Variants in RUNX1 observed in about 807,000 individuals in gnomAD.
RUNX1 encodes runt-related transcription factor 1.
RUNX1 carries 19 observed loss-of-function variants against 42.8 expected under a neutral mutation model. The ratio of observed to expected loss-of-function variants is 0.44; its 90% CI spans 0.31 to 0.65. The LOEUF is 0.65. RUNX1 is among the 30% of genes least tolerant of loss of function. The pLI is 0.07. For synonymous variants in RUNX1, 271 were observed against 289.4 expected (o/e 0.94, Z 0.64); for missense variants, 528 against 672.0 (o/e 0.79, Z 2.37).
At chr21:34,891,498 GC>G (rs1419504656) in intron 3 of RUNX1, among the ~76,000 whole-genome samples, 1 of 152,114 alleles carries the variant, frequency 6.6e-6, no homozygotes, top group East Asian at 1.9e-4. Flanking sequence ...CCCTTAGTCG[GC>G]CGGGCATTTT....
chr21:35,047,835 T>C (rs2059411568), intron 2 of RUNX1, among the ~76,000 whole-genome samples: 1 of 152,152 alleles, frequency 6.6e-6, no homozygotes, highest in Admixed American at 6.5e-5. Flanking sequence ...CAAGATACAC[T>C]TTGCAGGCAC....
rs114409412 is a variant in RUNX1 at position 34,966,924 on chromosome 21, C to T, written c.59-73961G>A. ...GCCAGATGAGGTGAAGGAAGGAGAG[C>T]GCAGGGGTCCTAAGAGTAAGGGCAT... On this transcript the variant is annotated intron_variant, in intron 2 of 8. Transcript: ENST00000675419. Among the ~76,000 whole-genome samples the T allele has an allele frequency of 8.2e-3, 1,251 of 151,808 alleles. 15 individuals are homozygous for T. Among genetic ancestry groups the T allele is most frequent in the African/African-American group, 0.028 (1,175 of 41,356 alleles).
intron 2 of RUNX1, among the ~76,000 whole-genome samples, chr21:35,000,442 G>A (rs149917256): frequency 1.8e-3 from 278 of 151,980 alleles, no homozygotes; most frequent in African/African-American, 5.8e-3. Context: ...GGGTTTCACC[G>A]TGTTAGCCAG....
chr21:34,876,297 C>T (rs1259841807), intron 5 of RUNX1, among the ~76,000 whole-genome samples: 1 of 152,222 alleles, frequency 6.6e-6, no homozygotes. Flanking sequence ...ATTAGACAAA[C>T]CAGACCCCGG....
Position 34,859,535 on chromosome 21 carries a change from C to A in RUNX1, c.552G>T (p.Pro184=), listed in dbSNP as rs752586117. ...TGGCTCTGTGGTAGGTGGCGACTTG[C>A]GGTGGGTTTGTGAAGACAGTGATGG... ...TLTITVFTNP[P]QVATYHRAIK... is the part of the protein sequence containing the mutation. Residue 184 remains proline (P), a synonymous_variant, in exon 6 of 9, where the codon CCG becomes CCT. Coordinates refer to ENST00000675419, the MANE Select transcript of RUNX1 (RefSeq NM_001754.5). 35 of 1,614,110 alleles carry A rather than the reference C, an allele frequency of 2.2e-5. No individual in the cohort carries two copies. In the East Asian group the frequency reaches 7.6e-4, roughly 35 times the overall value.
At chr21:34,832,412 G>A (rs1183638627) in intron 7 of RUNX1, among the ~76,000 whole-genome samples, 1 of 152,144 alleles carries the variant, frequency 6.6e-6, no homozygotes, top group Non-Finnish European at 1.5e-5. Flanking sequence ...TTTCCCCCAT[G>A]TGGCTGAATT....
intron 2 of RUNX1, among the ~76,000 whole-genome samples, chr21:34,993,666 G>A (rs569568510): frequency 9.7e-5 from 4 of 41,238 alleles, no homozygotes; most frequent in Middle Eastern, 0.02. Context: ...CAGACACACA[G>A]AGACACACAC....
At chr21:34,933,177 T>C (rs1268348831) in intron 2 of RUNX1, among the ~76,000 whole-genome samples, 2 of 152,196 alleles carry the variant, frequency 1.3e-5, no homozygotes, top group African/African-American at 4.8e-5. Context: ...AAATTAGTGG[T>C]TGGGAACATC....
At position 34,997,899 on chromosome 21, in the gene RUNX1, T is replaced by G. The variant is rs187697176; in HGVS notation, c.58+50943A>C. On this transcript the variant is annotated intron_variant, in intron 2 of 8. Transcript: ENST00000675419. ...TTCATTTTGGCCTTTTCTGTGCATT[T>G]GGGGTGCATGTGGAAAGAAGGTTCT... is the stretch of plus-strand genomic sequence containing the variant. Among the ~76,000 whole-genome samples, 36 of 152,248 alleles carry G rather than the reference T, an allele frequency of 2.4e-4. No individual in the cohort carries two copies. The East Asian group carries it at 6.6e-3, about 28-fold the overall frequency.
chr21:35,030,598 A>G (rs2059266244), intron 2 of RUNX1, among the ~76,000 whole-genome samples: 1 of 152,212 alleles, frequency 6.6e-6, no homozygotes, highest in African/African-American at 2.4e-5. Flanking sequence ...ACTTAAACCT[A>G]AAACCTGAAA....
In RUNX1 at chr21:34,999,764, C is replaced by A. The variant is rs143188803; in HGVS notation, c.58+49078G>T. Reference sequence around the variant, plus strand: ...AAGACCTGGCTCCCTCTCTTCTCTCCCGTTAGGCACAAGACGGTGTAAATC... The same window carrying A: ...AAGACCTGGCTCCCTCTCTTCTCTCACGTTAGGCACAAGACGGTGTAAATC... On this transcript the variant is annotated intron_variant, in intron 2 of 8. Transcript: ENST00000675419. Among the ~76,000 whole-genome samples the A allele has an allele frequency of 1.8e-3, 276 of 152,270 alleles. 1 individual carries two copies. Among genetic ancestry groups the A allele is most frequent in the African/African-American group, 6.0e-3 (251 of 41,542 alleles).
At position 34,841,623 on chromosome 21, in the gene RUNX1, C is replaced by T. The variant is rs9979054; in HGVS notation, c.614-7022G>A. Among the ~76,000 whole-genome samples the T allele has an allele frequency of 6.3e-3, 953 of 152,290 alleles. 10 individuals carry two copies. The highest frequency in any genetic ancestry group is 0.015 in the African/African-American group (611 of 41,574). ...ATAGGTTGAGCTCCCCTCTTTGCTC[C>T]GGCAGCAGTGGCCACCTTGCTCTTG... On this transcript the variant is annotated intron_variant, in intron 6 of 8. Transcript: ENST00000675419.
Position 34,834,511 on chromosome 21 carries a change from G to A in RUNX1, c.704C>T (p.Ala235Val), listed in dbSNP as rs1480547134. Residue 235 changes from alanine to valine, a missense_variant, in exon 7 of 9, where the codon GCC (alanine) becomes GTC (valine). By Grantham distance (64) the Ala-to-Val change is moderately conservative. Transcript: ENST00000675419. Reference protein sequence around the residue: ...LSELEQLRRTAMRVSPHHPAP... With the variant: ...LSELEQLRRTVMRVSPHHPAP... ...TGGGTGGTGTGGGCTGACCCTCATG[G>A]CTGTGCGCCGCAGCTGCTCCAGTTC... The A allele has an allele frequency of 6.2e-7, 1 of 1,613,372 alleles. No homozygotes were observed. Among genetic ancestry groups the A allele is most frequent in the South Asian group, 1.1e-5 (1 of 91,064 alleles).
rs59802347 is a variant in RUNX1 at position 34,799,341 on chromosome 21, G to A, written c.927C>T (p.Gly309=). 1.9e-3 allele frequency: 3,064 copies of A among 1,614,208 alleles called. 33 individuals are homozygous for A. In the African/African-American group the frequency reaches 0.036, roughly 19 times the overall value. Residue 309 remains glycine, a synonymous_variant, in exon 8 of 9, where the codon GGC becomes GGT. Coordinates refer to ENST00000675419, the MANE Select transcript of RUNX1 (RefSeq NM_001754.5). ...ATPISPGRAS[G]MTTLSAELSS... ...AAAGTTCTGCAGAGAGGGTTGTCAT[G>A]CCGCTGGCACGTCCAGGTGAAATGG...
At chr21:34,920,128 A>G (rs2058342886) in intron 2 of RUNX1, among the ~76,000 whole-genome samples, 1 of 152,228 alleles carries the variant, frequency 6.6e-6, no homozygotes. Flanking sequence ...CTTCATATTT[A>G]GAAACTTGGC....
chr21:35,028,770 C>G (rs770138056), intron 2 of RUNX1, among the ~76,000 whole-genome samples: 28 of 152,212 alleles, frequency 1.8e-4, no homozygotes, highest in Non-Finnish European at 3.8e-4. Flanking sequence ...AGTAAATTTA[C>G]CGATGGCTTA....
rs559458916 is a variant in RUNX1, at chr21:34,910,798, T to C, written c.59-17835A>G. Among the ~76,000 whole-genome samples, 13 of 152,234 alleles carry C rather than the reference T, an allele frequency of 8.5e-5. 1 individual carries two copies. Among genetic ancestry groups the C allele is most frequent in the South Asian group, 4.2e-4 (2 of 4,818 alleles). On this transcript the variant is annotated intron_variant, in intron 2 of 8. Coordinates refer to ENST00000675419, the MANE Select transcript of RUNX1 (RefSeq NM_001754.5). Reference sequence around the variant, plus strand: ...TATGTTATTGTTGTTCTTTTTTTTTTTGAAACAAGGTCTCACTCTGTTGCC... The same window carrying C: ...TATGTTATTGTTGTTCTTTTTTTTTCTGAAACAAGGTCTCACTCTGTTGCC...
At chr21:34,960,622 CCCAG>C (rs2058675317) in intron 2 of RUNX1, among the ~76,000 whole-genome samples, 1 of 152,206 alleles carries the variant, frequency 6.6e-6, no homozygotes. Context: ...CTGAGACTTG[CCCAG>C]CCTTAAGATG....
chr21:34,969,699 G>A (rs184797076), intron 2 of RUNX1, among the ~76,000 whole-genome samples: 2 of 150,246 alleles, frequency 1.3e-5, no homozygotes, highest in East Asian at 4.0e-4. Context: ...AAAAAAAACA[G>A]CAAAATTCAT....
Sources: gnomAD v4.1 joint callset for allele counts (sites outside exome capture counted in the v4.1 genomes callset) on GRCh38, gnomAD v4.1.1 for gene constraint, MANE v1.5 for transcripts, NCBI Gene and HGNC (gene_info 2026-07-23, HGNC 2026-07-21) for gene names.